The following ANXA3 variants were observed in gnomAD, a reference collection of about 807,000 sequenced individuals.
ANXA3 encodes 35-alpha calcimedin.
Under a neutral mutation model 48.8 loss-of-function variants are expected in ANXA3, and 46 were observed. The observed-to-expected ratio is 0.94, with a 90% CI of 0.74 to 1.21. The LOEUF is 1.21. Ranked by LOEUF, ANXA3 falls within the 50% of genes most tolerant of loss-of-function variation. ANXA3 has a pLI of 0.00. For missense variants in ANXA3, 383 were observed against 378.6 expected, an observed-to-expected ratio of 1.01 and a Z score of -0.10; for synonymous variants, 128 against 134.7, an observed-to-expected ratio of 0.95 and a Z score of 0.35.
intron 6 of ANXA3, among the ~76,000 whole-genome samples, chr4:78,589,492 A>G (rs1189315100): frequency 6.6e-6 from 1 of 152,182 alleles, no homozygotes; most frequent in East Asian, 1.9e-4. Context: ...GCAGGCATCC[A>G]TTGCTCCCCA....
Position 78,596,818 on chromosome 4 carries a change from G to A in ANXA3, c.635-501G>A, listed in dbSNP as rs923807496. ...ACTTGGTGACATATGTACAGGTTTT[G>A]CTTGGGGCAAATACTGATCAAGAAA... On this transcript the variant is annotated intron_variant, in intron 9 of 12. Coordinates refer to ENST00000264908, the MANE Select transcript of ANXA3 (RefSeq NM_005139.3). 3.3e-5 allele frequency among the ~76,000 whole-genome samples: 5 copies of A among 152,116 alleles called. No individual in the cohort carries two copies. The South Asian group carries it at 1.0e-3, about 32-fold the overall frequency.
intron 6 of ANXA3, among the ~76,000 whole-genome samples, chr4:78,588,126 T>C (rs1027605589): frequency 2.0e-5 from 3 of 152,052 alleles, no homozygotes; most frequent in African/African-American, 7.3e-5. Flanking sequence ...GCACAGTGGC[T>C]CATGCCTGTA....
chr4:78,579,518 G>A (rs1280500612), intron 4 of ANXA3, among the ~76,000 whole-genome samples: 1 of 152,192 alleles, frequency 6.6e-6, no homozygotes, highest in Non-Finnish European at 1.5e-5. Flanking sequence ...GAATGCGCAA[G>A]GCAGCCCTCC....
intron 7 of ANXA3, among the ~76,000 whole-genome samples, chr4:78,592,088 T>TA (rs960437377): frequency 1.3e-5 from 2 of 152,058 alleles, no homozygotes; most frequent in South Asian, 2.1e-4. Context: ...GTCTCAGGAT[T>TA]AAAAAAAAGA....
At chr4:78,593,886 G>C (rs891780770) in intron 7 of ANXA3, among the ~76,000 whole-genome samples, 1 of 148,084 alleles carries the variant, frequency 6.8e-6, no homozygotes. Flanking sequence ...ATTATAATTG[G>C]TGAATGAATA....
chr4:78,563,559 G>T (rs939499759), intron 2 of ANXA3, among the ~76,000 whole-genome samples: 1 of 152,140 alleles, frequency 6.6e-6, no homozygotes, highest in African/African-American at 2.4e-5. Context: ...CAGCCAGAAG[G>T]TGCCGTATAT....
intron 2 of ANXA3, among the ~76,000 whole-genome samples, chr4:78,561,148 G>C (rs564766283): frequency 2.6e-5 from 4 of 152,204 alleles, no homozygotes; most frequent in African/African-American, 9.6e-5. Context: ...CGCGGTGGTA[G>C]AAATGTTGGG....
intron 2 of ANXA3, among the ~76,000 whole-genome samples, chr4:78,555,060 C>T (rs1274642207): frequency 6.6e-6 from 1 of 152,150 alleles, no homozygotes; most frequent in African/African-American, 2.4e-5. Context: ...ACAAAAATAG[C>T]CCGGTGCGAT....
chr4:78,610,367 T>A lies in ANXA3; in HGVS notation c.*252T>A, dbSNP rs76058343. ...GCAACTACTATCCAACTTATATTTC[T>A]GCTTTCAAAGTTAAGAATCTTTATA... On this transcript the variant is annotated 3_prime_UTR_variant, in exon 13 of 13. Transcript: ENST00000264908. The A allele has an allele frequency of 7.6e-3, 2,240 of 294,526 alleles. 46 individuals carry two copies. Among genetic ancestry groups the A allele is most frequent in the African/African-American group, 0.045 (2,098 of 46,508 alleles). The allele number at this position is 294,526 out of a possible 1,614,324, so 18.2% of individuals were successfully genotyped here. A position where few individuals can be genotyped will look rare whatever the true frequency, so the allele number is the denominator to read the frequency against.
chr4:78,568,435 T>G (rs1036746980), intron 2 of ANXA3, among the ~76,000 whole-genome samples: 4 of 152,220 alleles, frequency 2.6e-5, no homozygotes, highest in South Asian at 4.1e-4. Flanking sequence ...TCCTGGAGTT[T>G]TATCTGGAGC....
chr4:78,595,664 A>C, intron 8 of ANXA3, 130 bp from the exon 9 acceptor site: 1 of 755,482 alleles, frequency 1.3e-6, no homozygotes, highest in Non-Finnish European at 2.2e-6. Context: ...TTTGATTTCT[A>C]GTCTTCTGAA....
At chr4:78,559,541 G>C (rs570502481) in intron 2 of ANXA3, among the ~76,000 whole-genome samples, 3 of 152,316 alleles carry the variant, frequency 2.0e-5, no homozygotes, top group Non-Finnish European at 4.4e-5. Context: ...AGGGATAAGA[G>C]AAGTTTTATA....
chr4:78,595,213 A>G (rs1026183562), intron 7 of ANXA3, among the ~76,000 whole-genome samples, 168 bp from the exon 8 acceptor site: 6 of 152,188 alleles, frequency 3.9e-5, no homozygotes, highest in Non-Finnish European at 5.9e-5. Context: ...TAAAAATTTC[A>G]TGACTAGTCA....
chr4:78,580,668 G>C (rs1192309986), intron 4 of ANXA3, among the ~76,000 whole-genome samples: 6 of 152,176 alleles, frequency 3.9e-5, no homozygotes, highest in Non-Finnish European at 7.4e-5. Context: ...TTACCTCCTG[G>C]GAGTGTTCTC....
chr4:78,588,790 C>A (rs1456225940), intron 6 of ANXA3, among the ~76,000 whole-genome samples: 1 of 152,178 alleles, frequency 6.6e-6, no homozygotes, highest in African/African-American at 2.4e-5. Context: ...CCTTCCAGTC[C>A]CCTCTACTCC....
chr4:78,568,774 A>G (rs979663912), intron 2 of ANXA3, among the ~76,000 whole-genome samples: 19 of 152,230 alleles, frequency 1.2e-4, no homozygotes, highest in African/African-American at 4.6e-4. Flanking sequence ...AGCTTGGCCA[A>G]GCAGTGGCTT....
intron 8 of ANXA3, 115 bp from the exon 9 acceptor site, chr4:78,595,679 A>G (rs1723408437): frequency 2.6e-6 from 2 of 765,548 alleles, no homozygotes; most frequent in African/African-American, 1.8e-5. Flanking sequence ...TCTGAAAGTG[A>G]GAGATTTAGA....
intron 8 of ANXA3, 131 bp downstream of exon 8, chr4:78,595,568 A>G: frequency 9.4e-7 from 1 of 1,058,582 alleles, no homozygotes; most frequent in Non-Finnish European, 1.4e-6. Context: ...TTTGAAAGAG[A>G]AGCCTGAAGC....
rs1723177844 is a variant in ANXA3 at position 78,586,346 on chromosome 4, T to C, written c.399T>C (p.Tyr133=). ...TGAAGGATATCTCTCAAGCCTATTA[T>C]ACAGGTGTCTTATTTTCTGCTTACC... ...RQMKDISQAY[Y]TVYKKSLGDD... The change falls in exon 6 of 13, where the codon TAT becomes TAC. Residue 133 remains tyrosine, a synonymous_variant. Coordinates refer to ENST00000264908, the MANE Select transcript of ANXA3 (RefSeq NM_005139.3). The C allele has an allele frequency of 9.3e-6, 15 of 1,610,112 alleles. No individual in the cohort carries two copies. The highest frequency in any genetic ancestry group is 1.3e-5 in the Non-Finnish European group (15 of 1,177,434).
Sources: allele counts gnomAD v4.1 joint callset (sites outside exome capture counted in the v4.1 genomes callset), GRCh38; gene constraint gnomAD v4.1.1; transcripts MANE v1.5; gene names NCBI Gene and HGNC (gene_info 2026-07-23, HGNC 2026-07-21).